PAX8: variants seen among roughly 807,000 people sequenced by gnomAD.
PAX8 encodes paired box 8.
PAX8 carries 15 observed loss-of-function variants against 52.4 expected under a neutral mutation model. That is an observed-to-expected ratio of 0.29 (90% confidence interval 0.19 to 0.44). PAX8 has a LOEUF of 0.44. PAX8 is among the 20% of genes least tolerant of loss of function. The probability of loss-of-function intolerance (pLI) is 1.00; values close to 1 mark genes in which losing one functional copy is unlikely to be tolerated. For missense variants in PAX8, 554 were observed against 602.5 expected (o/e 0.92, Z 0.84); for synonymous variants, 284 against 249.7 (o/e 1.14, Z -1.29).
chr2:113,229,517 T>C (rs918053448), intron 9 of PAX8, among the ~76,000 whole-genome samples: 3 of 152,214 alleles, frequency 2.0e-5, no homozygotes, highest in Non-Finnish European at 4.4e-5. Flanking sequence ...TGACTTTTCC[T>C]GCAGTGTCCA....
In PAX8 at chr2:113,218,165, C is replaced by G. The variant is rs886054791; in HGVS notation, c.*368G>C. 6 of 263,952 alleles carry G rather than the reference C, an allele frequency of 2.3e-5. No homozygotes were observed. The highest frequency in any genetic ancestry group is 3.6e-5 in the Non-Finnish European group (5 of 139,442). The allele number at this position is 263,952 out of a possible 1,614,324, so 16.4% of individuals were successfully genotyped here. On this transcript the variant is annotated 3_prime_UTR_variant, in exon 12 of 12. Transcript: ENST00000429538. Reference sequence around the variant, plus strand: ...GGAGCCATGGAGGTGCCCTGTGCACCCCTTGGGCCCGGGCAGGAACCATTC... The same window carrying G: ...GGAGCCATGGAGGTGCCCTGTGCACGCCTTGGGCCCGGGCAGGAACCATTC...
intron 9 of PAX8, among the ~76,000 whole-genome samples, chr2:113,231,800 C>T (rs538023228): frequency 4.2e-4 from 64 of 152,314 alleles, no homozygotes; most frequent in African/African-American, 1.5e-3. Context: ...ACGATCTCGG[C>T]TCACCGCAAC....
At chr2:113,225,292 A>G (rs1689496899) in intron 10 of PAX8, among the ~76,000 whole-genome samples, 2 of 152,218 alleles carry the variant, frequency 1.3e-5, no homozygotes, top group South Asian at 4.1e-4. Context: ...TGTACCTAAC[A>G]TGAATGCAGT....
At chr2:113,276,822 T>C (rs1693850846) in intron 2 of PAX8, among the ~76,000 whole-genome samples, 1 of 151,526 alleles carries the variant, frequency 6.6e-6, no homozygotes, top group East Asian at 1.9e-4. Context: ...GGAGGAAAGA[T>C]GGACCTCCAG....
At chr2:113,224,023 T>C (rs1368950846) in intron 10 of PAX8, among the ~76,000 whole-genome samples, 2 of 151,642 alleles carry the variant, frequency 1.3e-5, no homozygotes, top group African/African-American at 4.9e-5. Context: ...GAAAGATGTA[T>C]AGATTAATGG....
chr2:113,243,657 G>A (rs1007522157), intron 4 of PAX8, among the ~76,000 whole-genome samples: 1 of 152,198 alleles, frequency 6.6e-6, no homozygotes, highest in Non-Finnish European at 1.5e-5. Context: ...CTCCCAAAGT[G>A]CTGGGATTAC....
intron 2 of PAX8, chr2:113,273,003 T>A (rs931737244): frequency 1.3e-5 from 2 of 152,192 alleles, no homozygotes; most frequent in African/African-American, 4.8e-5. Context: ...TTTAAAACAT[T>A]TTTTTTCTTA....
intron 7 of PAX8, chr2:113,240,582 CAG>C (rs1190080422): frequency 6.6e-6 from 1 of 152,244 alleles, no homozygotes; most frequent in Admixed American, 6.5e-5. Context: ...GCCAGAGCTG[CAG>C]AGTCTTTGTT....
At chr2:113,223,082 T>A (rs755220668) in intron 10 of PAX8, among the ~76,000 whole-genome samples, 1 of 152,108 alleles carries the variant, frequency 6.6e-6, no homozygotes, top group Non-Finnish European at 1.5e-5. Context: ...TCAGGATTCT[T>A]TCCTGGCTTC....
At chr2:113,255,074 A>G (rs1435085733) in intron 2 of PAX8, among the ~76,000 whole-genome samples, 2 of 148,842 alleles carry the variant, frequency 1.3e-5, no homozygotes, top group Non-Finnish European at 3.0e-5. Flanking sequence ...AAGGACAGAA[A>G]GAAGGAAGGA....
chr2:113,243,389 C>T (rs2010945), intron 4 of PAX8, among the ~76,000 whole-genome samples: 22,055 of 82,038 alleles, frequency 0.27, 1,842 homozygotes, highest in Admixed American at 0.35. Flanking sequence ...GTTTTCTTTT[C>T]TTTCTTTCTT....
chr2:113,247,001 G>A lies in PAX8; in HGVS notation c.26-82C>T. ...GGATTAGCTATGAGTACAGGTGCTGGTGTGTGTGTGTGTGTTTGACTGTGA... is the reference window on the plus strand; with the variant it reads ...GGATTAGCTATGAGTACAGGTGCTGATGTGTGTGTGTGTGTTTGACTGTGA... On this transcript the variant is annotated intron_variant, in intron 2 of 11. Transcript: ENST00000429538. 6.4e-6 allele frequency: 6 copies of A among 937,682 alleles called. No individual in the cohort carries two copies. The South Asian group carries it at 8.9e-5, about 14-fold the overall frequency. The allele number at this position is 937,682 out of a possible 1,614,324, so 58.1% of individuals were successfully genotyped here.
chr2:113,249,171 G>T (rs1369854564), intron 2 of PAX8, among the ~76,000 whole-genome samples: 1 of 152,256 alleles, frequency 6.6e-6, no homozygotes, highest in African/African-American at 2.4e-5. Context: ...CACTAGGGCT[G>T]GAAGAGTGCT....
In PAX8 at chr2:113,218,398, CAG is replaced by C. The variant is rs1352742352; in HGVS notation, c.*133_*134del. 4 of 543,032 alleles carry C rather than the reference CAG, an allele frequency of 7.4e-6. No homozygotes were observed. Among genetic ancestry groups the C allele is most frequent in the Non-Finnish European group, 1.3e-5 (4 of 308,490 alleles). 33.6% of individuals were successfully genotyped at this position (543,032 alleles called of 1,614,324 possible). On this transcript the variant is annotated 3_prime_UTR_variant, in exon 12 of 12. Coordinates refer to ENST00000429538, the MANE Select transcript of PAX8 (RefSeq NM_003466.4). ...TTCATGGTTCATTAAATTAACCACACAGGGAGTGTGCCGCAATGCTGGACTTG... is the reference window on the plus strand; with the variant it reads ...TTCATGGTTCATTAAATTAACCACACGGAGTGTGCCGCAATGCTGGACTTG...
At chr2:113,256,250 T>C (rs929664514) in intron 2 of PAX8, among the ~76,000 whole-genome samples, 2 of 152,190 alleles carry the variant, frequency 1.3e-5, no homozygotes, top group Non-Finnish European at 2.9e-5. Flanking sequence ...AGATAGTAGC[T>C]ACAGGAAGCA....
Position 113,241,538 on chromosome 2 carries a change from C to A in PAX8, c.777+13G>T. The A allele has an allele frequency of 6.3e-7, 1 of 1,597,514 alleles. No individual in the cohort carries two copies. Among genetic ancestry groups the A allele is most frequent in the Non-Finnish European group, 8.5e-7 (1 of 1,172,776 alleles). ...TGCCCACCCTGTTCACCTCCCAGGG[C>A]CCAGCTTCTCACCTGCTCGCCTTTG... On this transcript the variant is annotated intron_variant, in intron 7 of 11. Coordinates refer to ENST00000429538, the MANE Select transcript of PAX8 (RefSeq NM_003466.4).
intron 2 of PAX8, chr2:113,274,539 C>G (rs1172229948): frequency 6.6e-6 from 1 of 152,166 alleles, no homozygotes; most frequent in Non-Finnish European, 1.5e-5. Flanking sequence ...ACCCCCATTG[C>G]CTCCTTTCAG....
In PAX8 at chr2:113,216,065, CAG is replaced by C. The variant is rs1689018424; in HGVS notation, c.*2466_*2467del. The C allele has an allele frequency of 4.5e-6, 1 of 224,034 alleles. No homozygotes were observed. Among genetic ancestry groups the C allele is most frequent in the Non-Finnish European group, 8.9e-6 (1 of 112,394 alleles). The allele number at this position is 224,034 out of a possible 1,614,324, so 13.9% of individuals were successfully genotyped here. A position where few individuals can be genotyped will look rare whatever the true frequency, so the allele number is the denominator to read the frequency against. On this transcript the variant is annotated 3_prime_UTR_variant, in exon 12 of 12. Transcript: ENST00000429538. ...AGTTGGAAAGGGTCTGCCGGGGGTACAGAGTGTCCCCAGAGGGGCTGTGGCTG... is the reference window on the plus strand; with the variant it reads ...AGTTGGAAAGGGTCTGCCGGGGGTACAGTGTCCCCAGAGGGGCTGTGGCTG...
intron 8 of PAX8, chr2:113,235,930 C>G (rs925823116): frequency 1.3e-5 from 4 of 303,778 alleles, no homozygotes; most frequent in Non-Finnish European, 2.4e-5. Context: ...GGAGGCGCGA[C>G]CCCTGGGCCC....
Sources: gnomAD v4.1 joint callset for allele counts (sites outside exome capture counted in the v4.1 genomes callset) on GRCh38, gnomAD v4.1.1 for gene constraint, MANE v1.5 for transcripts, NCBI Gene and HGNC (gene_info 2026-07-23, HGNC 2026-07-21) for gene names.